The following FSTL4 variants were observed in gnomAD, a reference collection of about 807,000 sequenced individuals.
FSTL4 encodes the protein follistatin like 4.
Under a neutral mutation model 78.2 loss-of-function variants are expected in FSTL4, and 28 were observed. The ratio of observed to expected loss-of-function variants is 0.36; its 90% CI spans 0.27 to 0.49. The LOEUF (loss-of-function observed/expected upper bound fraction) is 0.49, where lower values mean the gene tolerates loss of function less well. Ranked by LOEUF, FSTL4 falls within the 20% of genes least tolerant of loss-of-function variation. The pLI is 0.98. For synonymous variants in FSTL4, 422 were observed against 440.5 expected, an observed-to-expected ratio of 0.96 and a Z score of 0.53; for missense variants, 922 against 1,084.9, an observed-to-expected ratio of 0.85 and a Z score of 2.11.
intron 4 of FSTL4, among the ~76,000 whole-genome samples, chr5:133,336,951 G>C (rs1041951766): frequency 6.6e-6 from 1 of 152,204 alleles, no homozygotes; most frequent in Non-Finnish European, 1.5e-5. Context: ...GGGATGGAGG[G>C]CTCGCAGTAT....
At chr5:133,352,247 T>C (rs1429231857) in intron 4 of FSTL4, among the ~76,000 whole-genome samples, 6 of 117,056 alleles carry the variant, frequency 5.1e-5, no homozygotes, top group Admixed American at 1.7e-4. Flanking sequence ...CATATATATA[T>C]ACACACATAT....
chr5:133,840,693 C>A, the FSTL4 span, among the ~76,000 whole-genome samples: 3 of 152,230 alleles, frequency 2.0e-5, no homozygotes, highest in Non-Finnish European at 1.5e-5. Context: ...CAAGCCAGAG[C>A]TACCAGGCTA....
At chr5:133,488,537 A>G (rs1424522226) in intron 3 of FSTL4, among the ~76,000 whole-genome samples, 6 of 152,234 alleles carry the variant, frequency 3.9e-5, no homozygotes, top group Non-Finnish European at 7.3e-5. Context: ...TACAGGCGTG[A>G]GCCACTGCAC....
chr5:133,733,554 C>T, the FSTL4 span, among the ~76,000 whole-genome samples: 33 of 152,096 alleles, frequency 2.2e-4, no homozygotes, highest in African/African-American at 7.7e-4. Flanking sequence ...ACAGAAAAAT[C>T]CAGATGGTGG....
chr5:133,404,305 C>T (rs1236578785), intron 3 of FSTL4, among the ~76,000 whole-genome samples: 15 of 152,138 alleles, frequency 9.9e-5, no homozygotes. Context: ...ATGAATTCCC[C>T]ACTCCTACCA....
At chr5:133,218,623 C>T (rs1170392877) in intron 12 of FSTL4, among the ~76,000 whole-genome samples, 8 of 152,222 alleles carry the variant, frequency 5.3e-5, no homozygotes, top group African/African-American at 1.9e-4. Flanking sequence ...TCACGCCGCT[C>T]TCCTGCACCA....
At chr5:133,621,252 G>A in the FSTL4 span, among the ~76,000 whole-genome samples, 2 of 151,904 alleles carry the variant, frequency 1.3e-5, no homozygotes, top group Non-Finnish European at 2.9e-5. Context: ...TACAAAAAAT[G>A]AGCTGGGCGT....
chr5:133,218,686 T>C (rs1750994657), intron 12 of FSTL4, among the ~76,000 whole-genome samples: 2 of 152,206 alleles, frequency 1.3e-5, no homozygotes. Flanking sequence ...CCCAGATATC[T>C]ACAGGGTTTA....
chr5:133,547,238 G>A (rs1373205810), intron 3 of FSTL4, among the ~76,000 whole-genome samples: 2 of 151,076 alleles, frequency 1.3e-5, no homozygotes, highest in Non-Finnish European at 3.0e-5. Context: ...CTGTCTGTCT[G>A]TCTCTCTCTC....
chr5:133,590,343 C>A (rs12521563), intron 2 of FSTL4, among the ~76,000 whole-genome samples: 34,643 of 152,024 alleles, frequency 0.23, 4,259 homozygotes, highest in East Asian at 0.29. Flanking sequence ...ACAACAAAAA[C>A]CAAATTTTTA....
At chr5:133,510,874 C>T (rs981603632) in intron 3 of FSTL4, among the ~76,000 whole-genome samples, 2 of 152,214 alleles carry the variant, frequency 1.3e-5, no homozygotes, top group East Asian at 1.9e-4. Flanking sequence ...TCTCCTCTGA[C>T]GTCAAAACCC....
chr5:133,566,215 T>A (rs1179826196), intron 3 of FSTL4, among the ~76,000 whole-genome samples: 7 of 152,134 alleles, frequency 4.6e-5, no homozygotes, highest in Non-Finnish European at 1.0e-4. Flanking sequence ...CTCAATATAG[T>A]GTGAAAAGTT....
chr5:133,448,499 C>T (rs1195545815), intron 3 of FSTL4, among the ~76,000 whole-genome samples: 1 of 152,110 alleles, frequency 6.6e-6, no homozygotes, highest in Non-Finnish European at 1.5e-5. Context: ...TCAGGTGTTC[C>T]CTGCTCCCGG....
intron 3 of FSTL4, among the ~76,000 whole-genome samples, chr5:133,442,306 A>G (rs1370440653): frequency 3.3e-5 from 5 of 152,238 alleles, no homozygotes; most frequent in Non-Finnish European, 7.3e-5. Flanking sequence ...TTGATGACAC[A>G]GGCATCCCTT....
chr5:133,598,665 C>T (rs1203917312), intron 2 of FSTL4, among the ~76,000 whole-genome samples: 1 of 152,130 alleles, frequency 6.6e-6, no homozygotes, highest in Non-Finnish European at 1.5e-5. Context: ...CAGCACCGCA[C>T]CTGCAGAGGA....
intron 4 of FSTL4, among the ~76,000 whole-genome samples, chr5:133,368,520 C>A (rs1210836360): frequency 6.6e-6 from 1 of 152,182 alleles, no homozygotes; most frequent in African/African-American, 2.4e-5. Flanking sequence ...CTCTGTGAAT[C>A]CTTTTGGTGA....
chr5:133,751,739 G>A, the FSTL4 span, among the ~76,000 whole-genome samples: 2 of 152,240 alleles, frequency 1.3e-5, no homozygotes, highest in African/African-American at 4.8e-5. Flanking sequence ...ACTGCACCTA[G>A]AATAAATAGT....
At chr5:133,252,011 C>T (rs1013297431) in intron 6 of FSTL4, 3 of 152,346 alleles carry the variant, frequency 2.0e-5, no homozygotes, top group African/African-American at 2.4e-5. Flanking sequence ...GAAGTGAGGC[C>T]GCAGTGCACC....
chr5:133,238,711 T>C (rs1751735958), intron 7 of FSTL4, among the ~76,000 whole-genome samples: 2 of 152,232 alleles, frequency 1.3e-5, no homozygotes, highest in South Asian at 4.1e-4. Flanking sequence ...TGTACACGCA[T>C]GAGTGCACAC....
Sources: allele counts gnomAD v4.1 joint callset (sites outside exome capture counted in the v4.1 genomes callset), GRCh38; gene constraint gnomAD v4.1.1; transcripts MANE v1.5; gene names NCBI Gene and HGNC (gene_info 2026-07-23, HGNC 2026-07-21).